The following CSMD3 variants were observed in gnomAD, a reference collection of about 807,000 sequenced individuals.
CSMD3 encodes the protein CUB and sushi domain-containing protein 3.
Under a neutral mutation model 435.2 loss-of-function variants are expected in CSMD3, and 177 were observed. The ratio of observed to expected loss-of-function variants is 0.41; its 90% confidence interval spans 0.36 to 0.46. The LOEUF is 0.46. Among genes scored for constraint, CSMD3 ranks in the 20% least tolerant of loss-of-function variants. The pLI is 0.34. For missense variants in CSMD3, 4,265 were observed against 4,504.6 expected, an observed-to-expected ratio of 0.95 and a Z score of 1.52; for synonymous variants, 1,656 against 1,520.5, an observed-to-expected ratio of 1.09 and a Z score of -2.07.
At chr8:113,130,698 G>T (rs1439412312) in intron 4 of CSMD3, among the ~76,000 whole-genome samples, 1 of 152,128 alleles carries the variant, frequency 6.6e-6, no homozygotes, top group African/African-American at 2.4e-5. Flanking sequence ...AAGTGACTTT[G>T]GAACTGGGTA....
chr8:113,320,746 T>A (rs953663888), intron 1 of CSMD3, among the ~76,000 whole-genome samples: 51 of 152,136 alleles, frequency 3.4e-4, no homozygotes, highest in Admixed American at 2.0e-4. Flanking sequence ...TCTCATGAAC[T>A]TCTCCTAAAA....
chr8:113,334,811 C>A (rs779358999), intron 1 of CSMD3, among the ~76,000 whole-genome samples: 2 of 151,804 alleles, frequency 1.3e-5, no homozygotes, highest in Non-Finnish European at 2.9e-5. Flanking sequence ...TTTAAGGAAT[C>A]GGTGCATTTT....
chr8:112,808,765 A>G (rs2079152254), intron 12 of CSMD3, among the ~76,000 whole-genome samples: 1 of 151,720 alleles, frequency 6.6e-6, no homozygotes, highest in Non-Finnish European at 1.5e-5. Flanking sequence ...TTCTAAACCA[A>G]AGTATAACAG....
At chr8:113,245,645 C>T (rs185667937) in intron 3 of CSMD3, among the ~76,000 whole-genome samples, 1 of 151,944 alleles carries the variant, frequency 6.6e-6, no homozygotes, top group African/African-American at 2.4e-5. Context: ...TTTTTAAAAT[C>T]AGACAGAATA....
chr8:112,864,327 C>A (rs1475799190), intron 10 of CSMD3, among the ~76,000 whole-genome samples: 1 of 152,018 alleles, frequency 6.6e-6, no homozygotes, highest in East Asian at 1.9e-4. Context: ...CGGCTCATTG[C>A]AACCTCCACC....
intron 2 of CSMD3, among the ~76,000 whole-genome samples, chr8:113,306,844 T>C (rs1474919092): frequency 6.6e-6 from 1 of 152,174 alleles, no homozygotes; most frequent in Non-Finnish European, 1.5e-5. Context: ...AGATGGTTTA[T>C]TCACTCTAAT....
At chr8:112,412,208 G>A (rs1811424716) in intron 32 of CSMD3, among the ~76,000 whole-genome samples, 1 of 151,946 alleles carries the variant, frequency 6.6e-6, no homozygotes, top group African/African-American at 2.4e-5. Flanking sequence ...ATATTTATAT[G>A]AGAGTCATAA....
chr8:112,260,128 GA>G (rs1272228802), intron 61 of CSMD3, among the ~76,000 whole-genome samples: 6 of 152,164 alleles, frequency 3.9e-5, no homozygotes, highest in Admixed American at 6.5e-5. Flanking sequence ...TTTAAGATGA[GA>G]AAACATACTT....
intron 8 of CSMD3, among the ~76,000 whole-genome samples, chr8:112,953,517 G>C (rs1174328867): frequency 2.0e-5 from 3 of 151,330 alleles, no homozygotes; most frequent in African/African-American, 7.3e-5. Flanking sequence ...TTTTGAAACA[G>C]GTAACCCTAC....
chr8:113,281,074 T>C (rs1044352340), intron 2 of CSMD3, among the ~76,000 whole-genome samples: 2 of 151,860 alleles, frequency 1.3e-5, no homozygotes, highest in African/African-American at 4.8e-5. Flanking sequence ...TTTTGGCCTA[T>C]CATGTAGTCT....
intron 13 of CSMD3, among the ~76,000 whole-genome samples, chr8:112,798,290 A>G (rs963910516): frequency 4.0e-5 from 6 of 151,866 alleles, no homozygotes; most frequent in Non-Finnish European, 7.4e-5. Flanking sequence ...GAGTTTATGG[A>G]AAAAGAAAAT....
chr8:112,390,677 C>T lies in CSMD3; in HGVS notation c.5921G>A (p.Gly1974Glu). ...AAATATTCTTACTTGAATGCCAGCT[C>T]CCTCTGGCACTGTGATCTTCCACAC... ...NCVWKITVPE[G>E]AGIQVQVVSF... is the part of the protein sequence containing the mutation. Residue 1974 changes from glycine (G) to glutamate (E), a missense_variant, in exon 36 of 71, where the codon GGA becomes GAA. This residue lies in a region of CSMD3 where 3,255 missense variants were observed against 3,380.2 expected (regional missense o/e 0.96). Coordinates refer to ENST00000297405, the MANE Select transcript of CSMD3 (RefSeq NM_198123.2). The T allele has an allele frequency of 6.2e-7, 1 of 1,612,828 alleles. No homozygotes were observed. Among genetic ancestry groups the T allele is most frequent in the Middle Eastern group, 1.7e-4 (1 of 6,060 alleles).
intron 13 of CSMD3, among the ~76,000 whole-genome samples, chr8:112,765,007 A>G (rs1044158708): frequency 7.3e-5 from 11 of 151,544 alleles, no homozygotes; most frequent in Non-Finnish European, 4.4e-5. Flanking sequence ...TCTGGTGCAC[A>G]TAGTGAATGA....
At chr8:113,305,618 CT>C (rs2093813912) in intron 2 of CSMD3, among the ~76,000 whole-genome samples, 1 of 152,164 alleles carries the variant, frequency 6.6e-6, no homozygotes, top group African/African-American at 2.4e-5. Context: ...CACCTCATTT[CT>C]TTTTGGCAAA....
At chr8:112,479,427 G>T (rs546940702) in intron 31 of CSMD3, among the ~76,000 whole-genome samples, 49 of 152,316 alleles carry the variant, frequency 3.2e-4, no homozygotes, top group Admixed American at 1.5e-3. Flanking sequence ...GTAAAAGGGA[G>T]CCAAGTGCTA....
intron 1 of CSMD3, among the ~76,000 whole-genome samples, chr8:113,317,572 A>T (rs892404107): frequency 1.3e-5 from 2 of 152,160 alleles, no homozygotes; most frequent in African/African-American, 2.4e-5. Flanking sequence ...GTTTTTGTTT[A>T]TCACAAAGTT....
chr8:112,884,726 C>T (rs1471045700), intron 10 of CSMD3, among the ~76,000 whole-genome samples: 1 of 149,394 alleles, frequency 6.7e-6, no homozygotes, highest in African/African-American at 2.5e-5. Flanking sequence ...TCCTTTGTTT[C>T]TTTTTACTTG....
intron 54 of CSMD3, 103 bp from the exon 55 acceptor site, chr8:112,292,813 A>C (rs543171048): frequency 9.9e-7 from 1 of 1,014,214 alleles, no homozygotes; most frequent in Non-Finnish European, 1.5e-6. Flanking sequence ...CAAACAAAGT[A>C]GAAAGAAGAC....
chr8:112,325,511 G>A (rs1823417173), intron 45 of CSMD3, among the ~76,000 whole-genome samples: 1 of 152,058 alleles, frequency 6.6e-6, no homozygotes, highest in Non-Finnish European at 1.5e-5. Context: ...TAAATTCCAT[G>A]AAAGCAGGCA....
Sources: gnomAD v4.1 joint callset for allele counts (sites outside exome capture counted in the v4.1 genomes callset) on GRCh38, gnomAD v4.1.1 for gene constraint, gnomAD v4.1.1 regional missense constraint, MANE v1.5 for transcripts, NCBI Gene and HGNC (gene_info 2026-07-23, HGNC 2026-07-21) for gene names.